The following LCLAT1 variants were observed in gnomAD, a reference collection of about 807,000 sequenced individuals.
LCLAT1 encodes 1-AGP acyltransferase 8.
A neutral mutation model predicts 30.7 loss-of-function variants in LCLAT1; 11 were observed. The observed-to-expected ratio is 0.36, with a 90% CI of 0.23 to 0.59. The LOEUF (loss-of-function observed/expected upper bound fraction) is 0.59. Among genes scored for constraint, LCLAT1 ranks in the 20% least tolerant of loss-of-function variants. The pLI, the probability that LCLAT1 is intolerant of heterozygous loss-of-function variation, is 0.77. For synonymous variants in LCLAT1, 155 were observed against 151.3 expected, an observed-to-expected ratio of 1.02 and a Z score of -0.18; for missense variants, 402 against 458.6, an observed-to-expected ratio of 0.88 and a Z score of 1.13.
At chr2:30,623,140 G>A (rs779554672) in intron 5 of LCLAT1, among the ~76,000 whole-genome samples, 8 of 137,254 alleles carry the variant, frequency 5.8e-5, no homozygotes, top group Admixed American at 1.7e-4. Context: ...TGCAAGCTCC[G>A]CCTCCTGGAT....
chr2:30,505,318 A>G (rs1266577638), intron 1 of LCLAT1, among the ~76,000 whole-genome samples: 1 of 135,262 alleles, frequency 7.4e-6, no homozygotes, highest in Admixed American at 8.7e-5. Flanking sequence ...TTAGAATATC[A>G]GGGGCAAAAC....
intron 5 of LCLAT1, among the ~76,000 whole-genome samples, chr2:30,600,785 A>G (rs544182057): frequency 2.6e-5 from 4 of 152,214 alleles, no homozygotes; most frequent in South Asian, 2.1e-4. Context: ...CTCATGGAGT[A>G]TCTTACTGGG....
At position 30,514,269 on chromosome 2, in the gene LCLAT1, G is replaced by A. The variant is rs115074066; in HGVS notation, c.-4-11318G>A. On this transcript the variant is annotated intron_variant, in intron 1 of 5. Transcript: ENST00000379509. ...TTGACATTGTCAAGGGACATAACAA[G>A]GTCCTTTTGAACCTTCACATTTACA... Among the ~76,000 whole-genome samples the A allele has an allele frequency of 3.2e-3, 489 of 152,324 alleles. 1 individual carries two copies. Among genetic ancestry groups the A allele is most frequent in the South Asian group, 0.011 (55 of 4,828 alleles).
At chr2:30,492,415 G>C (rs148245886) in intron 1 of LCLAT1, among the ~76,000 whole-genome samples, 178 of 152,178 alleles carry the variant, frequency 1.2e-3, no homozygotes, top group African/African-American at 4.0e-3. Flanking sequence ...TATAAATTGA[G>C]CTTGGGCAAT....
At chr2:30,562,099 A>T (rs11895976) in intron 3 of LCLAT1, 47 bp from the exon 4 acceptor site, 2 of 1,420,616 alleles carry the variant, frequency 1.4e-6, no homozygotes, top group Non-Finnish European at 2.0e-6. Flanking sequence ...ATATGTGGAT[A>T]TTGGCAATAA....
chr2:30,507,527 C>T (rs1684728223), intron 1 of LCLAT1, among the ~76,000 whole-genome samples: 3 of 152,058 alleles, frequency 2.0e-5, no homozygotes, highest in Admixed American at 2.0e-4. Flanking sequence ...GTGTTCTTAG[C>T]CTTTAGCTCC....
intron 5 of LCLAT1, among the ~76,000 whole-genome samples, chr2:30,582,754 A>G (rs988162992): frequency 6.6e-5 from 10 of 152,226 alleles, no homozygotes; most frequent in African/African-American, 2.4e-4. Context: ...TATTGGCCCT[A>G]TAACGTTTGG....
chr2:30,515,402 T>C (rs910763405), intron 1 of LCLAT1, among the ~76,000 whole-genome samples: 2 of 152,254 alleles, frequency 1.3e-5, no homozygotes, highest in African/African-American at 4.8e-5. Flanking sequence ...CTAAGGAGAT[T>C]CTATGAAAAT....
intron 2 of LCLAT1, among the ~76,000 whole-genome samples, chr2:30,527,232 T>G (rs1236708555): frequency 6.6e-6 from 1 of 152,334 alleles, no homozygotes; most frequent in Middle Eastern, 3.4e-3. Context: ...GTAACTATTT[T>G]TAGTGTTTGT....
chr2:30,619,789 T>G (rs971162965), intron 5 of LCLAT1, among the ~76,000 whole-genome samples: 1 of 152,132 alleles, frequency 6.6e-6, no homozygotes, highest in Admixed American at 6.6e-5. Flanking sequence ...TTCTTCCCTT[T>G]AAGTTTTTCC....
intron 5 of LCLAT1, among the ~76,000 whole-genome samples, chr2:30,637,273 A>G (rs1453986685): frequency 6.6e-6 from 1 of 152,028 alleles, no homozygotes; most frequent in East Asian, 1.9e-4. Flanking sequence ...TGTACTGTCT[A>G]GTCAAGGAAA....
At chr2:30,458,573 T>G (rs908652984) in intron 1 of LCLAT1, among the ~76,000 whole-genome samples, 5 of 152,210 alleles carry the variant, frequency 3.3e-5, no homozygotes, top group Non-Finnish European at 5.9e-5. Flanking sequence ...GGATGTTATT[T>G]AAATTGACTT....
At chr2:30,451,605 AT>A in intron 1 of LCLAT1, among the ~76,000 whole-genome samples, 1 of 127,142 alleles carries the variant, frequency 7.9e-6, no homozygotes, top group East Asian at 2.6e-4. Context: ...AAATCGTGAT[AT>A]ATTTATAAGA....
At chr2:30,616,971 C>T (rs1668023415) in intron 5 of LCLAT1, among the ~76,000 whole-genome samples, 1 of 152,058 alleles carries the variant, frequency 6.6e-6, no homozygotes, top group Non-Finnish European at 1.5e-5. Flanking sequence ...GCACATATTA[C>T]AGATTTGTGA....
At chr2:30,564,247 T>G (rs1428567448) in intron 4 of LCLAT1, among the ~76,000 whole-genome samples, 1 of 152,134 alleles carries the variant, frequency 6.6e-6, no homozygotes, top group Admixed American at 6.6e-5. Context: ...TAGAAAGCCA[T>G]TCACTGAAAT....
chr2:30,562,947 A>G (rs1011396827), intron 4 of LCLAT1, among the ~76,000 whole-genome samples: 2 of 152,224 alleles, frequency 1.3e-5, no homozygotes, highest in Non-Finnish European at 2.9e-5. Flanking sequence ...CCTTGCTACA[A>G]GCAGGAATAG....
chr2:30,633,402 C>A (rs1178462831), intron 5 of LCLAT1, among the ~76,000 whole-genome samples: 1 of 152,124 alleles, frequency 6.6e-6, no homozygotes, highest in African/African-American at 2.4e-5. Flanking sequence ...AAATAAGTTA[C>A]ATGTCGCCGG....
At chr2:30,588,569 T>C (rs900140122) in intron 5 of LCLAT1, among the ~76,000 whole-genome samples, 1 of 152,144 alleles carries the variant, frequency 6.6e-6, no homozygotes, top group African/African-American at 2.4e-5. Flanking sequence ...GTTTTTGTTA[T>C]TTTTGTTGTT....
chr2:30,461,346 T>G (rs1025236295), intron 1 of LCLAT1, among the ~76,000 whole-genome samples: 12 of 152,238 alleles, frequency 7.9e-5, no homozygotes, highest in African/African-American at 2.9e-4. Context: ...CATTATTTCA[T>G]GTAATGCCCA....
Sources: gnomAD v4.1 joint callset for allele counts (sites outside exome capture counted in the v4.1 genomes callset) on GRCh38, gnomAD v4.1.1 for gene constraint, MANE v1.5 for transcripts, NCBI Gene and HGNC (gene_info 2026-07-23, HGNC 2026-07-21) for gene names.